SPECC1: variants seen among roughly 807,000 people sequenced by gnomAD.
SPECC1 encodes the protein sperm antigen with calponin homology and coiled-coil domains 1.
In SPECC1, 62 loss-of-function variants were observed where a neutral mutation model predicts 104.1. The observed-to-expected ratio is 0.60, with a 90% CI of 0.49 to 0.74. SPECC1 has a LOEUF of 0.74. SPECC1 is among the 30% of genes least tolerant of loss of function. The pLI is 0.00. For missense variants in SPECC1, 1,306 were observed against 1,310.5 expected (o/e 1.00, Z 0.05); for synonymous variants, 513 against 501.6 (o/e 1.02, Z -0.30).
intron 2 of SPECC1, among the ~76,000 whole-genome samples, chr17:20,100,876 T>C (rs2047913903): frequency 6.6e-6 from 1 of 152,200 alleles, no homozygotes; most frequent in Non-Finnish European, 1.5e-5. Flanking sequence ...CCATTTGTTC[T>C]CATTGTTCAA....
rs1362970962 is a variant in SPECC1 at position 20,314,707 on chromosome 17, AAAC to A, written c.*648_*650del. 1.1e-5 allele frequency: 2 copies of A among 175,670 alleles called. No individual in the cohort carries two copies. Among genetic ancestry groups the A allele is most frequent in the Admixed American group, 6.6e-5 (1 of 15,262 alleles). The allele number at this position is 175,670 out of a possible 1,614,324, so 10.9% of individuals were successfully genotyped here. ...CCTTCCCCCCTCCCCCCCCAAAAAA[AAAC>A]AACAAAACACAAAAAATAAACATTT... is the stretch of plus-strand genomic sequence containing the variant. On this transcript the variant is annotated 3_prime_UTR_variant, in exon 15 of 15. Coordinates refer to ENST00000395527, the MANE Select transcript of SPECC1 (RefSeq NM_001243439.2).
At chr17:20,283,937 A>G (rs1375621388) in intron 12 of SPECC1, among the ~76,000 whole-genome samples, 3 of 152,240 alleles carry the variant, frequency 2.0e-5, no homozygotes, top group South Asian at 4.2e-4. Flanking sequence ...GTCGTTTGCT[A>G]TACATATATT....
intron 6 of SPECC1, 114 bp downstream of exon 6, chr17:20,231,945 C>T (rs1478821484): frequency 1.8e-6 from 2 of 1,129,684 alleles, no homozygotes; most frequent in East Asian, 2.4e-5. Flanking sequence ...GCATGGTGGG[C>T]CCTGGAACTG....
chr17:20,307,523 A>T (rs879680924), intron 14 of SPECC1, among the ~76,000 whole-genome samples: 1 of 152,186 alleles, frequency 6.6e-6, no homozygotes, highest in Non-Finnish European at 1.5e-5. Flanking sequence ...TCTCCAGCTC[A>T]TTGGCAGTAC....
intron 2 of SPECC1, among the ~76,000 whole-genome samples, chr17:20,108,945 G>T (rs970684175): frequency 6.6e-6 from 1 of 152,134 alleles, no homozygotes; most frequent in Non-Finnish European, 1.5e-5. Flanking sequence ...CAAGAGCAGA[G>T]GGTGTTGCTT....
chr17:20,273,596 A>G (rs2040482311), intron 12 of SPECC1, among the ~76,000 whole-genome samples: 1 of 152,202 alleles, frequency 6.6e-6, no homozygotes, highest in South Asian at 2.1e-4. Context: ...GGGTGTGCAC[A>G]GAAGAGAGAA....
intron 12 of SPECC1, among the ~76,000 whole-genome samples, chr17:20,287,409 G>C (rs540836678): frequency 7.9e-6 from 1 of 126,824 alleles, no homozygotes; most frequent in Non-Finnish European, 1.6e-5. Flanking sequence ...GGGCGACAGA[G>C]CGAGACTCCG....
intron 3 of SPECC1, among the ~76,000 whole-genome samples, chr17:20,118,252 G>A (rs2152533240): frequency 6.6e-6 from 1 of 152,276 alleles, no homozygotes; most frequent in East Asian, 1.9e-4. Context: ...GATGCACAAG[G>A]ACAAGTTGGT....
At chr17:20,238,701 C>T (rs1459668046) in intron 7 of SPECC1, 1 of 1,039,910 alleles carries the variant, frequency 9.6e-7, no homozygotes, top group East Asian at 5.8e-5. Flanking sequence ...ACCTCAGATT[C>T]AGAGTTCTTA....
intron 1 of SPECC1, among the ~76,000 whole-genome samples, chr17:20,038,635 T>C (rs9909012): frequency 0.069 from 10,501 of 152,216 alleles, 982 homozygotes; most frequent in African/African-American, 0.21. Flanking sequence ...CTCCTGATCT[T>C]GTGATCCACC....
intron 3 of SPECC1, 82 bp downstream of exon 3, chr17:20,110,644 A>G (rs1172855274): frequency 1.4e-6 from 2 of 1,400,434 alleles, no homozygotes; most frequent in Middle Eastern, 5.3e-4. Flanking sequence ...TGACCCATCC[A>G]TTCCTTCCCT....
rs186105581 is a variant in SPECC1, at chr17:20,119,300, A to G, written c.283+8738A>G. On this transcript the variant is annotated intron_variant, in intron 3 of 14. Coordinates refer to ENST00000395527, the MANE Select transcript of SPECC1 (RefSeq NM_001243439.2). ...CTCTTGTTGCCCAGGCTGGAGTGCCATGGCGCTCCACAACCTCCGCCTCCT... is the reference window on the plus strand; with the variant it reads ...CTCTTGTTGCCCAGGCTGGAGTGCCGTGGCGCTCCACAACCTCCGCCTCCT... Among the ~76,000 whole-genome samples, 1,021 of 152,202 alleles carry G rather than the reference A, an allele frequency of 6.7e-3. 7 individuals are homozygous for G. Among genetic ancestry groups the G allele is most frequent in the African/African-American group, 0.023 (964 of 41,540 alleles).
rs761836554 is a variant in SPECC1, at chr17:20,246,010, ACC to A, written c.2440_2441del (p.Pro814ArgfsTer7). 4 of 1,613,688 alleles carry A rather than the reference ACC, an allele frequency of 2.5e-6. No individual in the cohort carries two copies. Among genetic ancestry groups the A allele is most frequent in the Non-Finnish European group, 3.4e-6 (4 of 1,179,928 alleles). ...GVCVSRTSPT[P>X]PESATTVKSL... ...TCTGTGTTAGCAGAACATCTCCAAC[ACC>A]CCCAGAGTCGGCAACCACCGTTAAG... On this transcript the variant is annotated frameshift_variant, in exon 8 of 15. Coordinates refer to ENST00000395527, the MANE Select transcript of SPECC1 (RefSeq NM_001243439.2). LOFTEE classifies it high-confidence loss of function.
chr17:20,106,530 C>A (rs541081415), intron 2 of SPECC1, among the ~76,000 whole-genome samples: 1 of 152,264 alleles, frequency 6.6e-6, no homozygotes, highest in South Asian at 2.1e-4. Context: ...CTCCCATAAT[C>A]CCCACATGTC....
Position 20,245,958 on chromosome 17 carries a change from T to C in SPECC1, c.2384T>C (p.Val795Ala), listed in dbSNP as rs2151539238. ...PVDEEPESSE[V>A]DAAGRWPGVC... The stretch of plus-strand genomic sequence containing the variant: ...GATGAAGAGCCAGAGTCCTCTGAGG[T>C]CGATGCTGCTGGTCGGTGGCCTGGT... The change falls in exon 8 of 15, where the codon GTC (valine) becomes GCC (alanine). Residue 795 changes from valine to alanine, a missense_variant. By Grantham distance (64) the Val-to-Ala change is moderately conservative. This residue lies in a region of SPECC1 where 1,177 missense variants were observed against 1,139.9 expected (regional missense o/e 1.03). Coordinates refer to ENST00000395527, the MANE Select transcript of SPECC1 (RefSeq NM_001243439.2). 1 of 1,614,198 alleles carries C rather than the reference T, an allele frequency of 6.2e-7. No homozygotes were observed. The highest frequency in any genetic ancestry group is 1.1e-5 in the South Asian group (1 of 91,084).
At chr17:20,312,499 A>C (rs1177837715) in intron 14 of SPECC1, among the ~76,000 whole-genome samples, 2 of 152,210 alleles carry the variant, frequency 1.3e-5, no homozygotes, top group African/African-American at 4.8e-5. Context: ...TACAGAGGAA[A>C]GTGTGCAGTG....
Position 20,128,404 on chromosome 17 carries a change from A to ATG in SPECC1, c.283+17844_283+17845dup, listed in dbSNP as rs199819941. ...TCTGTAAAACAGAGTTAGATTCTGG[A>ATG]TGTAGGTATTTATAACTGTGTTCTC... On this transcript the variant is annotated intron_variant, in intron 3 of 14. Coordinates refer to ENST00000395527, the MANE Select transcript of SPECC1 (RefSeq NM_001243439.2). Among the ~76,000 whole-genome samples, 562 of 152,308 alleles carry ATG rather than the reference A, an allele frequency of 3.7e-3. 5 individuals are homozygous for ATG. Among genetic ancestry groups the ATG allele is most frequent in the African/African-American group, 0.012 (515 of 41,564 alleles).
At chr17:20,155,753 T>C (rs1287296790) in intron 3 of SPECC1, 1 of 273,270 alleles carries the variant, frequency 3.7e-6, no homozygotes, top group Admixed American at 6.3e-5. Flanking sequence ...CAGTGGGGTT[T>C]TTCCAGCCTA....
chr17:20,115,717 ATCTT>A (rs952683088), intron 3 of SPECC1, among the ~76,000 whole-genome samples: 1 of 152,222 alleles, frequency 6.6e-6, no homozygotes, highest in Admixed American at 6.5e-5. Flanking sequence ...ACAATTAACA[ATCTT>A]TCTAACAACA....
Sources: gnomAD v4.1 joint callset for allele counts (sites outside exome capture counted in the v4.1 genomes callset) on GRCh38, gnomAD v4.1.1 for gene constraint, gnomAD v4.1.1 regional missense constraint, MANE v1.5 for transcripts, NCBI Gene and HGNC (gene_info 2026-07-23, HGNC 2026-07-21) for gene names.